GYS2: variants seen among roughly 807,000 people sequenced by gnomAD.
The protein encoded by GYS2 is glycogen [starch] synthase, liver.
Under a neutral mutation model 85.6 loss-of-function variants are expected in GYS2, and 80 were observed. That is an observed-to-expected ratio of 0.93 (90% CI 0.78 to 1.13). GYS2 has a LOEUF of 1.13. GYS2 is among the 50% of genes most tolerant of loss of function. The pLI, the probability that GYS2 is intolerant of heterozygous loss-of-function variation, is 0.00. For missense variants in GYS2, 881 were observed against 854.9 expected (o/e 1.03, Z -0.38); for synonymous variants, 328 against 300.7 (o/e 1.09, Z -0.94).
intron 3 of GYS2, among the ~76,000 whole-genome samples, chr12:21,575,528 A>C (rs1342599449): frequency 6.6e-6 from 1 of 152,102 alleles, no homozygotes; most frequent in African/African-American, 2.4e-5. Flanking sequence ...CAAATAGCTT[A>C]TTAAGCTATT....
intron 1 of GYS2, among the ~76,000 whole-genome samples, chr12:21,585,082 T>C (rs190727591): frequency 2.6e-5 from 4 of 152,124 alleles, no homozygotes; most frequent in Non-Finnish European, 4.4e-5. Context: ...GTTTCTCCCA[T>C]AGACAGGATT....
chr12:21,542,199 C>T (rs1943985035), intron 13 of GYS2, among the ~76,000 whole-genome samples: 1 of 151,814 alleles, frequency 6.6e-6, no homozygotes, highest in South Asian at 2.1e-4. Flanking sequence ...AGGCGTGCAC[C>T]ACCATACTTG....
At chr12:21,537,619 A>G (rs1003920612) in intron 15 of GYS2, among the ~76,000 whole-genome samples, 14 of 152,178 alleles carry the variant, frequency 9.2e-5, no homozygotes, top group African/African-American at 1.7e-4. Flanking sequence ...CTAAGTCTCA[A>G]ATTTGTTCAG....
At chr12:21,597,803 G>T (rs957557130) in intron 1 of GYS2, among the ~76,000 whole-genome samples, 1 of 152,060 alleles carries the variant, frequency 6.6e-6, no homozygotes, top group Admixed American at 6.5e-5. Flanking sequence ...CAACCTAAGT[G>T]TCCATCAATG....
At chr12:21,594,381 G>A (rs576888584) in intron 1 of GYS2, among the ~76,000 whole-genome samples, 82 of 152,178 alleles carry the variant, frequency 5.4e-4, no homozygotes, top group African/African-American at 1.2e-3. Flanking sequence ...CACTCTTAGC[G>A]CTGAAAAATA....
chr12:21,557,919 T>A (rs7953778), intron 11 of GYS2, among the ~76,000 whole-genome samples: 2 of 151,618 alleles, frequency 1.3e-5, no homozygotes, highest in East Asian at 1.9e-4. Context: ...AAAAAAGAAA[T>A]AAAAAAGTAA....
chr12:21,566,194 A>G (rs888393284), intron 5 of GYS2, among the ~76,000 whole-genome samples: 3 of 152,146 alleles, frequency 2.0e-5, no homozygotes, highest in African/African-American at 7.2e-5. Flanking sequence ...ATTTTGAAAA[A>G]TATCTGGTCC....
At chr12:21,588,503 C>T (rs1944598578) in intron 1 of GYS2, among the ~76,000 whole-genome samples, 1 of 152,136 alleles carries the variant, frequency 6.6e-6, no homozygotes, top group African/African-American at 2.4e-5. Context: ...AATGTAACTC[C>T]AAAATGCAAG....
At chr12:21,591,234 A>G (rs1051107474) in intron 1 of GYS2, among the ~76,000 whole-genome samples, 2 of 152,168 alleles carry the variant, frequency 1.3e-5, no homozygotes, top group African/African-American at 4.8e-5. Flanking sequence ...GATAAACAAT[A>G]AAAAGAAATC....
intron 1 of GYS2, among the ~76,000 whole-genome samples, chr12:21,592,689 T>C (rs1214141075): frequency 6.6e-6 from 1 of 152,058 alleles, no homozygotes; most frequent in Non-Finnish European, 1.5e-5. Flanking sequence ...CAATAATAGT[T>C]GGGGATTTCA....
intron 7 of GYS2, among the ~76,000 whole-genome samples, chr12:21,562,476 C>T (rs1188385589): frequency 6.6e-6 from 1 of 151,970 alleles, no homozygotes; most frequent in African/African-American, 2.4e-5. Flanking sequence ...TATTAGGATG[C>T]GTATTGTCAT....
chr12:21,577,873 C>T (rs908984944), intron 2 of GYS2, among the ~76,000 whole-genome samples: 2 of 152,088 alleles, frequency 1.3e-5, no homozygotes, highest in African/African-American at 2.4e-5. Context: ...GTTTGCTATC[C>T]AAAAATATTA....
chr12:21,554,434 A>G (rs1944152937), intron 11 of GYS2, among the ~76,000 whole-genome samples: 1 of 152,096 alleles, frequency 6.6e-6, no homozygotes, highest in African/African-American at 2.4e-5. Flanking sequence ...GGCTTTCTCT[A>G]ATTAGTCCTT....
At chr12:21,587,648 A>G (rs1264842564) in intron 1 of GYS2, among the ~76,000 whole-genome samples, 1 of 152,108 alleles carries the variant, frequency 6.6e-6, no homozygotes, top group Non-Finnish European at 1.5e-5. Context: ...CTTATAAATT[A>G]CCCAGTCTCA....
intron 13 of GYS2, 90 bp from the exon 14 acceptor site, chr12:21,540,663 C>G: frequency 8.4e-7 from 1 of 1,186,340 alleles, no homozygotes; most frequent in African/African-American, 1.5e-5. Flanking sequence ...TTGGTTCCAT[C>G]AAAAACCTAT....
At chr12:21,577,641 G>A (rs764656832) in intron 2 of GYS2, among the ~76,000 whole-genome samples, 1 of 152,074 alleles carries the variant, frequency 6.6e-6, no homozygotes, top group Admixed American at 6.6e-5. Flanking sequence ...TACTCTTTGG[G>A]ATCTCAATTT....
chr12:21,586,472 G>C (rs1253150020), intron 1 of GYS2, among the ~76,000 whole-genome samples: 3 of 148,380 alleles, frequency 2.0e-5, no homozygotes, highest in African/African-American at 7.5e-5. Flanking sequence ...TCTCCTATTA[G>C]TTCTGTCTCT....
chr12:21,571,282 T>C (rs1944381902), intron 4 of GYS2, among the ~76,000 whole-genome samples: 1 of 152,212 alleles, frequency 6.6e-6, no homozygotes, highest in Non-Finnish European at 1.5e-5. Flanking sequence ...AGAAACCTTA[T>C]CCGTTTACAC....
downstream of GYS2, among the ~76,000 whole-genome samples, chr12:21,533,717 C>T (rs1275865177): frequency 1.3e-5 from 2 of 152,184 alleles, no homozygotes; most frequent in African/African-American, 4.8e-5. Flanking sequence ...ATATATAAAA[C>T]CAGTTCTGTT....
Sources: gnomAD v4.1 joint callset for allele counts (sites outside exome capture counted in the v4.1 genomes callset) on GRCh38, gnomAD v4.1.1 for gene constraint, MANE v1.5 for transcripts, NCBI Gene and HGNC (gene_info 2026-07-23, HGNC 2026-07-21) for gene names.